Variants in NOS1 observed in about 807,000 individuals in gnomAD.
The protein encoded by NOS1 is NOS type I.
In NOS1, 51 loss-of-function variants were observed where a neutral mutation model predicts 164.5. The ratio of observed to expected loss-of-function variants is 0.31; its 90% CI spans 0.25 to 0.39. The LOEUF (loss-of-function observed/expected upper bound fraction) is 0.39. Among genes scored for constraint, NOS1 ranks in the 10% least tolerant of loss-of-function variants. The pLI is 1.00. For synonymous variants in NOS1, 719 were observed against 745.8 expected (o/e 0.96, Z 0.59); for missense variants, 1,362 against 1,885.6 (o/e 0.72, Z 5.14).
At chr12:117,332,252 C>T (rs922194430) in intron 1 of NOS1, among the ~76,000 whole-genome samples, 2 of 152,102 alleles carry the variant, frequency 1.3e-5, no homozygotes, top group Admixed American at 6.5e-5. Context: ...TTTTTGAGCA[C>T]GTTCGCTCTT....
Position 117,211,229 on chromosome 12 carries a change from A to G in NOS1, c.*4080T>C. 4 of 984,712 alleles carry G rather than the reference A, an allele frequency of 4.1e-6. No individual in the cohort carries two copies. The highest frequency in any genetic ancestry group is 4.8e-6 in the Non-Finnish European group (4 of 829,312). 61.0% of individuals were successfully genotyped at this position (984,712 alleles called of 1,614,324 possible). On this transcript the variant is annotated 3_prime_UTR_variant, in exon 29 of 29. Transcript: ENST00000317775. ...CACCTCGGCCTCCCAAAGTGCTGGG[A>G]TTACAGACATGAGCTACCGCGCCCA...
chr12:117,258,589 G>A, intron 15 of NOS1, 134 bp from the exon 16 acceptor site: 1 of 855,956 alleles, frequency 1.2e-6, no homozygotes. Context: ...GGAGCGGTCA[G>A]GGGCTCAGGC....
intron 18 of NOS1, chr12:117,246,099 T>C: frequency 6.3e-6 from 1 of 157,810 alleles, no homozygotes. Flanking sequence ...CATCAGAAGG[T>C]ATCAATTAGA....
chr12:117,258,974 C>CTT (rs1374284179), intron 15 of NOS1, 52 bp downstream of exon 15: 2 of 1,373,736 alleles, frequency 1.5e-6, no homozygotes, highest in African/African-American at 2.9e-5. Context: ...TTGGCCCCTA[C>CTT]TTCTTCCTGA....
intron 1 of NOS1, among the ~76,000 whole-genome samples, chr12:117,353,263 C>G (rs376723017): frequency 3.9e-5 from 6 of 152,150 alleles, no homozygotes; most frequent in African/African-American, 1.4e-4. Flanking sequence ...TATCTACCTA[C>G]CTATTCTATC....
At chr12:117,277,173 A>G (rs1006544860) in intron 9 of NOS1, among the ~76,000 whole-genome samples, 2 of 152,092 alleles carry the variant, frequency 1.3e-5, no homozygotes, top group African/African-American at 4.8e-5. Flanking sequence ...CGGATAAGCC[A>G]TTGTAACTGA....
chr12:117,214,893 TAAA>T lies in NOS1; in HGVS notation c.*413_*415del, dbSNP rs1956581140. 1 of 993,816 alleles carries T rather than the reference TAAA, an allele frequency of 1.0e-6. No homozygotes were observed. Among genetic ancestry groups the T allele is most frequent in the Admixed American group, 6.3e-5 (1 of 15,830 alleles). The allele number at this position is 993,816 out of a possible 1,614,324, so 61.6% of individuals were successfully genotyped here. On this transcript the variant is annotated 3_prime_UTR_variant, in exon 29 of 29. Transcript: ENST00000317775. ...GGCACGCACAACCAAAATGTCATCA[TAAA>T]AAAGGAGAAAGGGGGACTTCAGTGG...
intron 3 of NOS1, among the ~76,000 whole-genome samples, chr12:117,305,290 G>A (rs991932600): frequency 6.6e-6 from 1 of 152,062 alleles, no homozygotes; most frequent in East Asian, 1.9e-4. Flanking sequence ...GTGAAACCCC[G>A]TCTCTACTAA....
Position 117,290,532 on chromosome 12 carries a change from G to T in NOS1, c.853-106C>A, listed in dbSNP as rs1463260774. ...CATTGTTCTTCCTGGGATCTGCCTT[G>T]AGTGACCAACTGTCTACATCCAGAG... is the stretch of plus-strand genomic sequence containing the variant. On this transcript the variant is annotated intron_variant, in intron 3 of 28. Coordinates refer to ENST00000317775, the MANE Select transcript of NOS1 (RefSeq NM_000620.5). 3.0e-6 allele frequency: 4 copies of T among 1,351,644 alleles called. No individual in the cohort carries two copies. In the Admixed American group the frequency reaches 9.4e-5, roughly 32 times the overall value. The allele number at this position is 1,351,644 out of a possible 1,614,324, so 83.7% of individuals were successfully genotyped here.
chr12:117,292,204 A>AC (rs1449282665), intron 3 of NOS1, among the ~76,000 whole-genome samples: 2 of 152,202 alleles, frequency 1.3e-5, no homozygotes, highest in Admixed American at 1.3e-4. Flanking sequence ...CAGTAAGTAA[A>AC]CTAATATAGG....
chr12:117,347,119 T>C (rs1038805734), intron 1 of NOS1, among the ~76,000 whole-genome samples: 2 of 151,924 alleles, frequency 1.3e-5, no homozygotes, highest in Non-Finnish European at 2.9e-5. Context: ...AAACCCTGTC[T>C]CTACTAAAAA....
intron 1 of NOS1, among the ~76,000 whole-genome samples, chr12:117,358,363 C>T (rs963383581): frequency 7.2e-5 from 11 of 152,196 alleles, no homozygotes; most frequent in Admixed American, 2.0e-4. Flanking sequence ...CGGTCCTTCC[C>T]CAAGGAAGAT....
intron 1 of NOS1, among the ~76,000 whole-genome samples, chr12:117,335,729 T>TGAGAGAGAGAGAGAGAAGAGA (rs1875777125): frequency 8.9e-6 from 1 of 112,540 alleles, no homozygotes; most frequent in Non-Finnish European, 1.8e-5. Context: ...ACAGACTATA[T>TGAGAGAGAGAGAGAGAAGAGA]GAGAGAGAGA....
At chr12:117,355,005 C>T (rs1876793940) in intron 1 of NOS1, among the ~76,000 whole-genome samples, 1 of 152,180 alleles carries the variant, frequency 6.6e-6, no homozygotes, top group Admixed American at 6.5e-5. Flanking sequence ...CAGAAAGGCT[C>T]ACCTTTTTAA....
At position 117,213,039 on chromosome 12, in the gene NOS1, T is replaced by C. The variant is rs757277479; in HGVS notation, c.*2270A>G. On this transcript the variant is annotated 3_prime_UTR_variant, in exon 29 of 29. Coordinates refer to ENST00000317775, the MANE Select transcript of NOS1 (RefSeq NM_000620.5). ...CATTTCTTTGGACTCCTTGACAAAATGAGACAATGTTTCCATCTGTCTGCT... is the reference window on the plus strand; with the variant it reads ...CATTTCTTTGGACTCCTTGACAAAACGAGACAATGTTTCCATCTGTCTGCT... 1.1e-4 allele frequency: 112 copies of C among 985,336 alleles called. 1 individual carries two copies. The highest frequency in any genetic ancestry group is 1.3e-4 in the Non-Finnish European group (108 of 829,946). The allele number at this position is 985,336 out of a possible 1,614,324, so 61.0% of individuals were successfully genotyped here.
chr12:117,291,835 C>G (rs1873086934), intron 3 of NOS1, among the ~76,000 whole-genome samples: 1 of 152,070 alleles, frequency 6.6e-6, no homozygotes, highest in African/African-American at 2.4e-5. Context: ...CGTGCCTGGC[C>G]TAGGATCACA....
chr12:117,332,315 G>T (rs1875587034), intron 1 of NOS1, among the ~76,000 whole-genome samples: 1 of 152,218 alleles, frequency 6.6e-6, no homozygotes, highest in African/African-American at 2.4e-5. Flanking sequence ...CTCAAGAGAA[G>T]AGGAAAGGGA....
At position 117,234,599 on chromosome 12, in the gene NOS1, T is replaced by G. The variant is rs1348375266; in HGVS notation, c.3201A>C (p.Lys1067Asn). Residue 1067 changes from lysine (K) to asparagine (N), a missense_variant, in exon 21 of 29, where the codon AAA becomes AAC. Around this residue, in one of 4 missense-constraint regions of NOS1, gnomAD observed 737 missense variants for 1,030.3 expected, o/e 0.72. Transcript: ENST00000317775. This position sits in a 1 kb window ranked among gnomAD's most constrained non-coding sequence, Gnocchi z 4.3. The stretch of plus-strand genomic sequence containing the variant: ...TGTTCCGCTCCTCCAGCAGTTCCAC[T>G]TTCACCATCTGGTTGACAGGCGGCG... ...EDAPPVNQMV[K>N]VELLEERNTA... 6.2e-7 allele frequency: 1 copy of G among 1,613,918 alleles called. No homozygotes were observed. The highest frequency in any genetic ancestry group is 1.3e-5 in the African/African-American group (1 of 74,916).
chr12:117,305,105 A>G (rs1874065470), intron 3 of NOS1: 6 of 980,622 alleles, frequency 6.1e-6, no homozygotes, highest in Non-Finnish European at 7.3e-6. Context: ...TGTGACATTA[A>G]CAATGCTAGG....
Sources: allele counts gnomAD v4.1 joint callset (sites outside exome capture counted in the v4.1 genomes callset), GRCh38; gene constraint gnomAD v4.1.1; regional missense constraint gnomAD v4.1.1; non-coding constraint Gnocchi (gnomAD v3.1); transcripts MANE v1.5; gene names NCBI Gene and HGNC (gene_info 2026-07-23, HGNC 2026-07-21).